THRB: variants seen among roughly 807,000 people sequenced by gnomAD.
THRB encodes the protein thyroid hormone receptor beta.
A neutral mutation model predicts 47.8 loss-of-function variants in THRB; 12 were observed. The observed-to-expected ratio is 0.25, with a 90% CI of 0.16 to 0.41. The LOEUF (loss-of-function observed/expected upper bound fraction) is 0.41, where lower values mean the gene tolerates loss of function less well. Among genes scored for constraint, THRB ranks in the 10% least tolerant of loss-of-function variants. The pLI is 1.00. For synonymous variants in THRB, 218 were observed against 212.2 expected, an observed-to-expected ratio of 1.03 and a Z score of -0.24; for missense variants, 348 against 589.2, an observed-to-expected ratio of 0.59 and a Z score of 4.24.
chr3:24,338,193 T>C (rs1419761178), intron 1 of THRB, among the ~76,000 whole-genome samples: 3 of 152,148 alleles, frequency 2.0e-5, no homozygotes, highest in African/African-American at 4.8e-5. Flanking sequence ...TTTTTTTAAT[T>C]TAAAAAAGGG....
intron 5 of THRB, among the ~76,000 whole-genome samples, chr3:24,181,446 T>C (rs908140716): frequency 6.6e-6 from 1 of 152,258 alleles, no homozygotes; most frequent in African/African-American, 2.4e-5. Flanking sequence ...GTTTACTAAG[T>C]GCTGGGCAAA....
intron 3 of THRB, among the ~76,000 whole-genome samples, chr3:24,286,932 A>G (rs1229204307): frequency 6.6e-6 from 1 of 152,206 alleles, no homozygotes; most frequent in East Asian, 1.9e-4. Flanking sequence ...TCTCACTTTT[A>G]AGTGAGATGT....
At chr3:24,480,155 C>G (rs1239590741) in intron 1 of THRB, among the ~76,000 whole-genome samples, 1 of 152,188 alleles carries the variant, frequency 6.6e-6, no homozygotes, top group Non-Finnish European at 1.5e-5. Flanking sequence ...TACCTCCCCC[C>G]TAAAAATCAC....
intron 1 of THRB, among the ~76,000 whole-genome samples, chr3:24,490,615 T>C (rs1179778026): frequency 6.6e-6 from 1 of 152,156 alleles, no homozygotes; most frequent in Non-Finnish European, 1.5e-5. Context: ...AAGAGCTATA[T>C]AGACTAAAGC....
At chr3:24,165,254 G>A (rs374322468) in intron 5 of THRB, 22 of 764,966 alleles carry the variant, frequency 2.9e-5, no homozygotes, top group Non-Finnish European at 2.4e-6. Context: ...GCTGTAACCC[G>A]GACTATCTTC....
intron 5 of THRB, among the ~76,000 whole-genome samples, chr3:24,179,173 C>A (rs1029512096): frequency 6.6e-6 from 1 of 152,194 alleles, no homozygotes; most frequent in Non-Finnish European, 1.5e-5. Flanking sequence ...AGTCCTCTCT[C>A]CAGCTCTGGT....
chr3:24,167,321 T>C (rs1218882999), intron 5 of THRB, among the ~76,000 whole-genome samples: 2 of 152,180 alleles, frequency 1.3e-5, no homozygotes, highest in Admixed American at 6.6e-5. Context: ...CTAGAAAGCA[T>C]GAAAAGTTAC....
chr3:24,135,564 T>C (rs879312046), intron 8 of THRB, among the ~76,000 whole-genome samples: 11 of 152,114 alleles, frequency 7.2e-5, no homozygotes, highest in African/African-American at 1.9e-4. Flanking sequence ...GCAGGCAGAA[T>C]TGATGAAATA....
intron 1 of THRB, among the ~76,000 whole-genome samples, chr3:24,423,246 A>G (rs2069441373): frequency 6.6e-6 from 1 of 151,874 alleles, no homozygotes; most frequent in African/African-American, 2.4e-5. Flanking sequence ...AAGAAGTAAT[A>G]AATCATCATT....
intron 1 of THRB, among the ~76,000 whole-genome samples, chr3:24,348,049 A>T (rs940682636): frequency 6.6e-6 from 1 of 152,174 alleles, no homozygotes; most frequent in Non-Finnish European, 1.5e-5. Flanking sequence ...GAAAATTATC[A>T]ACTAGTATTT....
chr3:24,485,258 C>T (rs1255489832), intron 1 of THRB, among the ~76,000 whole-genome samples: 1 of 152,190 alleles, frequency 6.6e-6, no homozygotes, highest in Non-Finnish European at 1.5e-5. Flanking sequence ...CACTTGAAAA[C>T]ATTTTAAAGA....
intron 3 of THRB, among the ~76,000 whole-genome samples, chr3:24,231,667 G>C (rs1215282856): frequency 6.6e-6 from 1 of 152,040 alleles, no homozygotes; most frequent in Non-Finnish European, 1.5e-5. Context: ...TGTAATTCCA[G>C]TAAAGCTTCT....
chr3:24,337,665 G>A (rs923621148), intron 1 of THRB, among the ~76,000 whole-genome samples: 2 of 152,178 alleles, frequency 1.3e-5, no homozygotes, highest in African/African-American at 2.4e-5. Flanking sequence ...CAAGACCCAA[G>A]AGCTTTGGAT....
intron 1 of THRB, among the ~76,000 whole-genome samples, chr3:24,398,318 T>C (rs2067127472): frequency 6.6e-6 from 1 of 152,124 alleles, no homozygotes; most frequent in African/African-American, 2.4e-5. Flanking sequence ...GAGAAAACTT[T>C]TGCAATCTAC....
intron 1 of THRB, among the ~76,000 whole-genome samples, chr3:24,489,432 G>A (rs1247642057): frequency 6.6e-6 from 1 of 152,160 alleles, no homozygotes; most frequent in African/African-American, 2.4e-5. Context: ...GAGCAAGGGA[G>A]ATGAGCCCTG....
At chr3:24,284,590 T>C (rs2055033522) in intron 3 of THRB, among the ~76,000 whole-genome samples, 2 of 151,044 alleles carry the variant, frequency 1.3e-5, no homozygotes, top group African/African-American at 5.0e-5. Flanking sequence ...TGGGATCTAA[T>C]TAAACTAAAG....
At chr3:24,369,360 A>G (rs2064736095) in intron 1 of THRB, among the ~76,000 whole-genome samples, 1 of 152,078 alleles carries the variant, frequency 6.6e-6, no homozygotes, top group African/African-American at 2.4e-5. Flanking sequence ...AGATTTAACA[A>G]CACATCCCAG....
rs76514283 is a variant in THRB, at chr3:24,331,146, T to C, written c.-189+6154A>G. On this transcript the variant is annotated intron_variant, in intron 2 of 10. Transcript: ENST00000646209. ...AAAAATGGCATTACCTGCTGTCTTA[T>C]GGCTTAAAAAAAGGGAGTGATGATG... 6.7e-3 allele frequency among the ~76,000 whole-genome samples: 1,025 copies of C among 152,256 alleles called. 10 individuals carry two copies. The highest frequency in any genetic ancestry group is 0.023 in the African/African-American group (973 of 41,548).
At chr3:24,399,171 T>C (rs1427226981) in intron 1 of THRB, among the ~76,000 whole-genome samples, 1 of 151,214 alleles carries the variant, frequency 6.6e-6, no homozygotes, top group East Asian at 2.0e-4. Flanking sequence ...GGCACATGTA[T>C]ACATATATAA....
Sources: allele counts gnomAD v4.1 joint callset (sites outside exome capture counted in the v4.1 genomes callset), GRCh38; gene constraint gnomAD v4.1.1; transcripts MANE v1.5; gene names NCBI Gene and HGNC (gene_info 2026-07-23, HGNC 2026-07-21).